Variants in IGFALS observed in about 807,000 individuals in gnomAD.
IGFALS encodes the protein insulin like growth factor binding protein acid labile subunit, also known as insulin-like growth factor-binding protein complex acid labile subunit.
IGFALS carries 2 observed loss-of-function variants against 2.6 expected under a neutral mutation model. The ratio of observed to expected loss-of-function variants is 0.77; its 90% CI spans 0.32 to 2.44. The LOEUF is 2.44. Ranked by LOEUF, IGFALS falls within the 30% of genes most tolerant of loss-of-function variation. The probability of loss-of-function intolerance (pLI) is 0.11; values close to 1 mark genes in which losing one functional copy is unlikely to be tolerated. For synonymous variants in IGFALS, 519 were observed against 431.9 expected (o/e 1.20, Z -2.50); for missense variants, 996 against 848.7 (o/e 1.17, Z -2.16).
intron 1 of IGFALS, 62 bp downstream of exon 1, chr16:1,793,575 C>T (rs1329500460): frequency 1.4e-5 from 22 of 1,527,026 alleles, no homozygotes; most frequent in Middle Eastern, 1.7e-4. Flanking sequence ...CTCTCCCCAG[C>T]GGGCTCAGGG....
rs372343863 is a variant in IGFALS, at chr16:1,791,531, C to T, written c.887G>A (p.Arg296Gln). ...FPGLLGLRVL[R>Q]LSHNAIASLR... is the part of the protein sequence containing the mutation. ...GCTGGCGATGGCGTTGTGGGACAGC[C>T]GCAGCACACGCAGGCCCAGCAGACC... The change falls in exon 2 of 2, where the codon CGG (arginine) becomes CAG (glutamine). Residue 296 changes from arginine (R) to glutamine (Q), a missense_variant. Coordinates refer to ENST00000215539, the MANE Select transcript of IGFALS (RefSeq NM_004970.3). The T allele has an allele frequency of 4.3e-5, 69 of 1,587,740 alleles. No individual in the cohort carries two copies. The highest frequency in any genetic ancestry group is 5.4e-5 in the Non-Finnish European group (63 of 1,168,558).
At chr16:1,792,450 A>T in intron 1 of IGFALS, 49 bp from the exon 2 acceptor site, 1 of 1,496,322 alleles carries the variant, frequency 6.7e-7, no homozygotes, top group Non-Finnish European at 8.9e-7. Flanking sequence ...GCTCTGCCCG[A>T]GTGAGCCTGA....
In IGFALS at chr16:1,792,017, A is replaced by G; in HGVS notation, c.401T>C (p.Leu134Pro). 6.2e-7 allele frequency: 1 copy of G among 1,609,950 alleles called. No individual in the cohort carries two copies. Among genetic ancestry groups the G allele is most frequent in the Non-Finnish European group, 8.5e-7 (1 of 1,179,334 alleles). Residue 134 changes from leucine to proline, a missense_variant, in exon 2 of 2, where the codon CTG (leucine) becomes CCG (proline). Transcript: ENST00000215539. ...AAACGTGCCGAGTGCCAGGCTGCGCAGCTGGTTCCGCTCCAGGTGCAGGTG... is the reference window on the plus strand; with the variant it reads ...AAACGTGCCGAGTGCCAGGCTGCGCGGCTGGTTCCGCTCCAGGTGCAGGTG... ...LCHLHLERNQ[L>P]RSLALGTFAH... is the part of the protein sequence containing the mutation.
At position 1,790,495 on chromosome 16, in the gene IGFALS, CCAG is replaced by C. The variant is rs1314068313; in HGVS notation, c.*102_*104del. On this transcript the variant is annotated 3_prime_UTR_variant, in exon 2 of 2. Transcript: ENST00000215539. ...CCACCCCATCAGGCCCTTGCGTCTT[CCAG>C]CAAGTGCACTGGGCAGGCCCCTGAG... is the stretch of plus-strand genomic sequence containing the variant. The C allele has an allele frequency of 9.9e-6, 10 of 1,010,936 alleles. No individual in the cohort carries two copies. Among genetic ancestry groups the C allele is most frequent in the Middle Eastern group, 2.9e-4 (1 of 3,410 alleles). 62.6% of individuals were successfully genotyped at this position (1,010,936 alleles called of 1,614,324 possible).
upstream of IGFALS, among the ~76,000 whole-genome samples, chr16:1,794,213 C>T (rs1292492938): frequency 1.3e-5 from 2 of 152,148 alleles, no homozygotes; most frequent in Non-Finnish European, 2.9e-5. Flanking sequence ...GTGGGAGCTG[C>T]CGTTTGGGCT....
At chr16:1,793,738 T>A (rs373594518), upstream of IGFALS, 7,018 of 1,388,152 alleles carry the variant, frequency 5.1e-3, 24 homozygotes, top group Non-Finnish European at 6.3e-3. Flanking sequence ...ATTTCCCCAC[T>A]GCGGGGCAGC....
chr16:1,794,606 A>G (rs116644723), upstream of IGFALS, among the ~76,000 whole-genome samples: 107 of 152,110 alleles, frequency 7.0e-4, no homozygotes, highest in African/African-American at 2.5e-3. Context: ...CACCTGCTCA[A>G]ACCACTTCCC....
chr16:1,791,106 C>T lies in IGFALS; in HGVS notation c.1312G>A (p.Glu438Lys), dbSNP rs1263278730. Residue 438 changes from glutamate to lysine, a missense_variant, in exon 2 of 2, where the codon GAG becomes AAG. Physicochemically the swap from Glu to Lys is moderately conservative, Grantham distance 56 (BLOSUM62 1). Coordinates refer to ENST00000215539, the MANE Select transcript of IGFALS (RefSeq NM_004970.3). ...AGCTGGTTGGAGGTCAGGTCGAGCT[C>T]CAGCAGCTCCGCCAGCCCCCACAGG... is the stretch of plus-strand genomic sequence containing the variant. ...QSLWGLAELL[E>K]LDLTSNQLTH... The T allele has an allele frequency of 6.2e-7, 1 of 1,601,478 alleles. No homozygotes were observed. Among genetic ancestry groups the T allele is most frequent in the Admixed American group, 1.7e-5 (1 of 59,974 alleles).
chr16:1,793,547 C>T, intron 1 of IGFALS, 90 bp downstream of exon 1: 1 of 1,334,506 alleles, frequency 7.5e-7, no homozygotes, highest in Non-Finnish European at 1.0e-6. Context: ...CCAGAGCTTC[C>T]TTGGGGGCTA....
At position 1,791,754 on chromosome 16, in the gene IGFALS, C is replaced by T. The variant is rs1477899010; in HGVS notation, c.664G>A (p.Glu222Lys). 3.2e-6 allele frequency: 5 copies of T among 1,550,688 alleles called. No individual in the cohort carries two copies. The highest frequency in any genetic ancestry group is 3.5e-6 in the Non-Finnish European group (4 of 1,152,074). ...AGCGCGTTCCTGCTCAGGTCCAGCT[C>T]CCGGAGCTCGGCCAGGCCGCTGAAG... is the stretch of plus-strand genomic sequence containing the variant. The part of the protein sequence containing the change: ...ALFSGLAELR[E>K]LDLSRNALRA... The change falls in exon 2 of 2, where the codon GAG (glutamate) becomes AAG (lysine). Residue 222 changes from glutamate (E) to lysine (K), a missense_variant. Glu to Lys is a moderately conservative substitution (Grantham distance 56). Transcript: ENST00000215539.
rs1304994427 is a variant in IGFALS at position 1,790,483 on chromosome 16, C to T, written c.*117G>A. The T allele has an allele frequency of 1.1e-6, 1 of 884,892 alleles. No individual in the cohort carries two copies. The highest frequency in any genetic ancestry group is 1.4e-5 in the South Asian group (1 of 70,294). The allele number at this position is 884,892 out of a possible 1,614,324, so 54.8% of individuals were successfully genotyped here. Reference sequence around the variant, plus strand: ...CCGCCATGCCTTCCACCCCATCAGGCCCTTGCGTCTTCCAGCAAGTGCACT... The same window carrying T: ...CCGCCATGCCTTCCACCCCATCAGGTCCTTGCGTCTTCCAGCAAGTGCACT... On this transcript the variant is annotated 3_prime_UTR_variant, in exon 2 of 2. Transcript: ENST00000215539.
upstream of IGFALS, chr16:1,794,806 A>G (rs1897295943): frequency 2.9e-6 from 2 of 700,372 alleles, no homozygotes; most frequent in African/African-American, 1.7e-5. Context: ...ACAGTTTTCC[A>G]GGGCCCTACC....
In IGFALS at chr16:1,791,507, C is replaced by A. The variant is rs560424016; in HGVS notation, c.911G>T (p.Ser304Ile). The A allele has an allele frequency of 1.2e-6, 2 of 1,605,796 alleles. No individual in the cohort carries two copies. Among genetic ancestry groups the A allele is most frequent in the Non-Finnish European group, 1.7e-6 (2 of 1,177,032 alleles). The change falls in exon 2 of 2, where the codon AGC becomes ATC. Residue 304 changes from serine (S) to isoleucine (I), a missense_variant. Ser to Ile is a moderately radical substitution (Grantham distance 142, BLOSUM62 -2). Coordinates refer to ENST00000215539, the MANE Select transcript of IGFALS (RefSeq NM_004970.3). Reference protein sequence around the residue: ...VLRLSHNAIASLRPRTFKDLH... With the variant: ...VLRLSHNAIAILRPRTFKDLH... Reference sequence around the variant, plus strand: ...GTCCTTGAAGGTGCGGGGCCGCAGGCTGGCGATGGCGTTGTGGGACAGCCG... The same window carrying A: ...GTCCTTGAAGGTGCGGGGCCGCAGGATGGCGATGGCGTTGTGGGACAGCCG...
In IGFALS at chr16:1,790,655, T is replaced by C; in HGVS notation, c.1763A>G (p.Glu588Gly). 1 of 1,596,548 alleles carries C rather than the reference T, an allele frequency of 6.3e-7. No individual in the cohort carries two copies. Among genetic ancestry groups the C allele is most frequent in the Non-Finnish European group, 8.5e-7 (1 of 1,172,550 alleles). ...YNNITCASPP[E>G]VVGLDLRDLS... Reference sequence around the variant, plus strand: ...GTCCCGCAGGTCGAGCCCCACGACCTCGGGCGGGCTGGCACAGGTGATGTT... The same window carrying C: ...GTCCCGCAGGTCGAGCCCCACGACCCCGGGCGGGCTGGCACAGGTGATGTT... Residue 588 changes from glutamate (E) to glycine (G), a missense_variant, in exon 2 of 2, where the codon GAG (glutamate) becomes GGG (glycine). Physicochemically the swap from Glu to Gly is moderately conservative, Grantham distance 98 (BLOSUM62 -2). Transcript: ENST00000215539.
chr16:1,791,845 G>A lies in IGFALS; in HGVS notation c.573C>T (p.Arg191=), dbSNP rs778091834. The A allele has an allele frequency of 1.5e-5, 23 of 1,551,882 alleles. No homozygotes were observed. The highest frequency in any genetic ancestry group is 9.4e-5 in the South Asian group (8 of 84,724). ...CCAGCTCGCGCAGGCTGCCCAGGCC[G>A]CGGAACGCCGCATCGGGGAGCACCG... ...SLAVLPDAAF[R]GLGSLRELVL... The change falls in exon 2 of 2, where the codon CGC becomes CGT. Residue 191 remains arginine, a synonymous_variant. Coordinates refer to ENST00000215539, the MANE Select transcript of IGFALS (RefSeq NM_004970.3).
At position 1,792,271 on chromosome 16, in the gene IGFALS, G is replaced by C; in HGVS notation, c.147C>G (p.Tyr49Ter). The C allele has an allele frequency of 6.2e-7, 1 of 1,600,808 alleles. No individual in the cohort carries two copies. The highest frequency in any genetic ancestry group is 8.5e-7 in the Non-Finnish European group (1 of 1,179,660). ...CGCTGAGCTCATCCGCGTCGTCATC[G>C]TAGCTGCAGACACAGGCGGCCGGGC... is the stretch of plus-strand genomic sequence containing the variant. ...PACPAACVCS[Y>*]DDDADELSVF... is the part of the protein sequence containing the mutation. Residue 49 changes from tyrosine to a stop codon, truncating the protein, a stop_gained, in exon 2 of 2, where the codon TAC becomes TAG. Transcript: ENST00000215539. LOFTEE classifies it low-confidence loss of function (END_TRUNC).
rs1383202713 is a variant in IGFALS, at chr16:1,790,912, C to T, written c.1506G>A (p.Leu502=). 2 of 1,587,252 alleles carry T rather than the reference C, an allele frequency of 1.3e-6. No individual in the cohort carries two copies. Among genetic ancestry groups the T allele is most frequent in the Non-Finnish European group, 1.7e-6 (2 of 1,172,782 alleles). Residue 502 remains leucine (L), a synonymous_variant, in exon 2 of 2, where the codon TTG becomes TTA. Transcript: ENST00000215539. The part of the protein sequence containing the change: ...NRLEALPNSL[L]APLGRLRYLS... ...GGTAGCGCAGCCGCCCCAGTGGTGC[C>T]AAGAGGCTGTTGGGCAATGCCTCCA... is the stretch of plus-strand genomic sequence containing the variant.
chr16:1,793,598 C>A (rs762095498), intron 1 of IGFALS, 39 bp downstream of exon 1: 1 of 1,584,464 alleles, frequency 6.3e-7, no homozygotes, highest in Non-Finnish European at 8.6e-7. Flanking sequence ...ACAGACTGGC[C>A]ACCCCTAGAG....
Position 1,791,425 on chromosome 16 carries a change from C to T in IGFALS, c.993G>A (p.Glu331=). ...LGHNRIRQLA[E]RSFEGLGQLE... is the part of the protein sequence containing the mutation. ...GCTGCCCCAGGCCCTCAAAGCTGCG[C>T]TCAGCCAGCTGCCGGATGCGGTTGT... The change falls in exon 2 of 2, where the codon GAG becomes GAA. Residue 331 remains glutamate (E), a synonymous_variant. Coordinates refer to ENST00000215539, the MANE Select transcript of IGFALS (RefSeq NM_004970.3). The T allele has an allele frequency of 1.9e-6, 3 of 1,612,136 alleles. No homozygotes were observed. The highest frequency in any genetic ancestry group is 2.5e-6 in the Non-Finnish European group (3 of 1,179,956).
Sources: allele counts gnomAD v4.1 joint callset (sites outside exome capture counted in the v4.1 genomes callset), GRCh38; gene constraint gnomAD v4.1.1; transcripts MANE v1.5; gene names NCBI Gene and HGNC (gene_info 2026-07-23, HGNC 2026-07-21).